Variants in MN1 observed in about 807,000 individuals in gnomAD.
The protein encoded by MN1 is transcriptional activator MN1.
Under a neutral mutation model 86.9 loss-of-function variants are expected in MN1, and 19 were observed. That is an observed-to-expected ratio of 0.22 (90% CI 0.15 to 0.32). The LOEUF is 0.32. Ranked by LOEUF, MN1 falls within the 10% of genes least tolerant of loss-of-function variation. The pLI is 1.00. For missense variants in MN1, 1,841 were observed against 1,862.0 expected, an observed-to-expected ratio of 0.99 and a Z score of 0.21; for synonymous variants, 928 against 849.6, an observed-to-expected ratio of 1.09 and a Z score of -1.60.
intron 1 of MN1, among the ~76,000 whole-genome samples, chr22:27,751,629 A>G (rs568500950): frequency 2.6e-5 from 4 of 152,262 alleles, no homozygotes; most frequent in African/African-American, 7.2e-5. Context: ...ACTGCATACC[A>G]ACTCCAGGGG....
In MN1 at chr22:27,799,655, G is replaced by A. The variant is rs775977953; in HGVS notation, c.889C>T (p.Pro297Ser). Reference sequence around the variant, plus strand: ...TGCTGGGGCTGCTGCTGCTGCTGGGGCTGCTGCTGCGGTGGCTGGGCGTGC... The same window carrying A: ...TGCTGGGGCTGCTGCTGCTGCTGGGACTGCTGCTGCGGTGGCTGGGCGTGC... ...KMHAQPPQQQ[P>S]QQQQQPQQQQ... The change falls in exon 1 of 2, where the codon CCC becomes TCC. Residue 297 changes from proline to serine, a missense_variant. Physicochemically the swap from Pro to Ser is moderately conservative, Grantham distance 74. Coordinates refer to ENST00000302326, the MANE Select transcript of MN1 (RefSeq NM_002430.3). The A allele has an allele frequency of 1.2e-5, 19 of 1,550,352 alleles. No homozygotes were observed. Among genetic ancestry groups the A allele is most frequent in the Non-Finnish European group, 1.5e-5 (17 of 1,147,006 alleles).
In MN1 at chr22:27,796,739, AGAGGAAAAC is replaced by A. The variant is rs753900999; in HGVS notation, c.3781+15_3781+23del. 7.3e-5 allele frequency: 114 copies of A among 1,558,326 alleles called. No individual in the cohort carries two copies. Among genetic ancestry groups the A allele is most frequent in the Admixed American group, 1.7e-4 (10 of 57,766 alleles). On this transcript the variant is annotated intron_variant, in intron 1 of 1. Transcript: ENST00000302326. The stretch of plus-strand genomic sequence containing the variant: ...GATGGGGCGGGTCACCCGGGAAGTG[AGAGGAAAAC>A]GAGTGTGCATATACCTTCTTTGCTG...
At chr22:27,760,079 G>C (rs1932824598) in intron 1 of MN1, among the ~76,000 whole-genome samples, 1 of 152,170 alleles carries the variant, frequency 6.6e-6, no homozygotes, top group African/African-American at 2.4e-5. Context: ...GCTGGGCGTG[G>C]TGGCTCACAC....
Position 27,798,592 on chromosome 22 carries a change from C to A in MN1, c.1952G>T (p.Gly651Val). ...GTGCGGGCCACAGTCAGCGGGCAGA[C>A]CCGAGCCGCCCATCCTACGGGGCAG... ...DLLPRRMGGS[G>V]LPADCGPHDP... Residue 651 changes from glycine (G) to valine (V), a missense_variant, in exon 1 of 2, where the codon GGT becomes GTT. Coordinates refer to ENST00000302326, the MANE Select transcript of MN1 (RefSeq NM_002430.3). The A allele has an allele frequency of 6.4e-7, 1 of 1,552,186 alleles. No homozygotes were observed. The highest frequency in any genetic ancestry group is 8.6e-7 in the Non-Finnish European group (1 of 1,158,324).
At position 27,797,857 on chromosome 22, in the gene MN1, G is replaced by A. The variant is rs1388123659; in HGVS notation, c.2687C>T (p.Thr896Ile). Residue 896 changes from threonine (T) to isoleucine (I), a missense_variant, in exon 1 of 2, where the codon ACC becomes ATC. Physicochemically the swap from Thr to Ile is moderately conservative, Grantham distance 89. Coordinates refer to ENST00000302326, the MANE Select transcript of MN1 (RefSeq NM_002430.3). ...GAPGPGGPSGTSSSGSKASGP... is the reference protein window; with the variant it reads ...GAPGPGGPSGISSSGSKASGP... ...CGAGGCTTTGGAGCCGCTGCTACTG[G>A]TCCCGGACGGGCCTCCGGGTCCTGG... 1 of 1,584,148 alleles carries A rather than the reference G, an allele frequency of 6.3e-7. No homozygotes were observed. The highest frequency in any genetic ancestry group is 8.6e-7 in the Non-Finnish European group (1 of 1,167,128).
chr22:27,751,864 G>A (rs534089159), intron 1 of MN1, among the ~76,000 whole-genome samples: 29 of 152,032 alleles, frequency 1.9e-4, no homozygotes, highest in African/African-American at 5.8e-4. Context: ...ATCCCCAAGC[G>A]CTCCCCAGTG....
intron 1 of MN1, among the ~76,000 whole-genome samples, chr22:27,755,958 TG>T (rs1339318445): frequency 6.6e-6 from 1 of 152,082 alleles, no homozygotes; most frequent in Non-Finnish European, 1.5e-5. Flanking sequence ...TTCTAGGAAA[TG>T]GGGGAAATAA....
At chr22:27,780,957 G>C (rs114642780) in intron 1 of MN1, among the ~76,000 whole-genome samples, 2,537 of 152,202 alleles carry the variant, frequency 0.017, 68 homozygotes, top group African/African-American at 0.058. Flanking sequence ...TTGAGACAAG[G>C]TCTCACTTTG....
At chr22:27,767,948 T>G (rs1932882781) in intron 1 of MN1, among the ~76,000 whole-genome samples, 1 of 152,162 alleles carries the variant, frequency 6.6e-6, no homozygotes, top group Non-Finnish European at 1.5e-5. Context: ...TTATTCCTTT[T>G]TAAAGGATGC....
At chr22:27,763,851 G>T (rs1932850405) in intron 1 of MN1, among the ~76,000 whole-genome samples, 1 of 152,234 alleles carries the variant, frequency 6.6e-6, no homozygotes, top group Non-Finnish European at 1.5e-5. Flanking sequence ...CAGAGCAAAA[G>T]GCAGGCCCAT....
At chr22:27,763,493 G>T (rs1932848146) in intron 1 of MN1, among the ~76,000 whole-genome samples, 1 of 152,216 alleles carries the variant, frequency 6.6e-6, no homozygotes, top group South Asian at 2.1e-4. Context: ...TGTGACCCTG[G>T]ATCAGCCACT....
intron 1 of MN1, among the ~76,000 whole-genome samples, chr22:27,764,031 G>T (rs1932852462): frequency 6.6e-6 from 1 of 152,152 alleles, no homozygotes; most frequent in Non-Finnish European, 1.5e-5. Flanking sequence ...CCTGATTTAG[G>T]GATGGGTGTG....
At chr22:27,767,913 G>T (rs1310832328) in intron 1 of MN1, among the ~76,000 whole-genome samples, 2 of 152,122 alleles carry the variant, frequency 1.3e-5, no homozygotes, top group African/African-American at 4.8e-5. Context: ...ACTTCATCGG[G>T]TCCTCCCTTC....
In MN1 at chr22:27,798,089, G is replaced by A. The variant is rs1233928604; in HGVS notation, c.2455C>T (p.Leu819=). 1 of 1,611,426 alleles carries A rather than the reference G, an allele frequency of 6.2e-7. No individual in the cohort carries two copies. Among genetic ancestry groups the A allele is most frequent in the South Asian group, 1.1e-5 (1 of 91,052 alleles). Residue 819 remains leucine, a synonymous_variant, in exon 1 of 2, where the codon CTG becomes TTG. Transcript: ENST00000302326. ...SFNKPSSKDN[L]FGQSCLAALS... ...GCAGCCAGGCAGCTCTGGCCGAACA[G>A]GTTGTCCTTGGAGCTGGGCTTGTTG...
chr22:27,760,875 G>A (rs555119723), intron 1 of MN1, among the ~76,000 whole-genome samples: 2 of 152,338 alleles, frequency 1.3e-5, no homozygotes, highest in Non-Finnish European at 2.9e-5. Flanking sequence ...GCTCCAGGGC[G>A]TGACCGTGAA....
intron 1 of MN1, among the ~76,000 whole-genome samples, chr22:27,774,638 G>A (rs1238969588): frequency 6.6e-6 from 1 of 152,186 alleles, no homozygotes; most frequent in African/African-American, 2.4e-5. Flanking sequence ...ACCAATTAAT[G>A]TGCACTGAAG....
intron 1 of MN1, among the ~76,000 whole-genome samples, chr22:27,773,266 G>A (rs563616489): frequency 2.6e-5 from 4 of 152,272 alleles, no homozygotes; most frequent in African/African-American, 4.8e-5. Flanking sequence ...GGGCGCCAGG[G>A]GGTTCATTCA....
chr22:27,782,724 A>G (rs1293602109), intron 1 of MN1, among the ~76,000 whole-genome samples: 1 of 152,246 alleles, frequency 6.6e-6, no homozygotes, highest in African/African-American at 2.4e-5. Flanking sequence ...AGAAAGATTA[A>G]GTAACCTGCC....
At chr22:27,771,077 A>G (rs917398689) in intron 1 of MN1, among the ~76,000 whole-genome samples, 1 of 152,120 alleles carries the variant, frequency 6.6e-6, no homozygotes, top group African/African-American at 2.4e-5. Context: ...CATTAAGCAC[A>G]CTTCATCTGT....
Sources: gnomAD v4.1 joint callset for allele counts (sites outside exome capture counted in the v4.1 genomes callset) on GRCh38, gnomAD v4.1.1 for gene constraint, MANE v1.5 for transcripts, NCBI Gene and HGNC (gene_info 2026-07-23, HGNC 2026-07-21) for gene names.